The following PKD1 variants were observed in gnomAD, a reference collection of about 807,000 sequenced individuals.
PKD1 encodes polycystin-1.
PKD1 carries 81 observed loss-of-function variants against 361.7 expected under a neutral mutation model. The observed-to-expected ratio is 0.22, with a 90% CI of 0.19 to 0.27. The LOEUF (loss-of-function observed/expected upper bound fraction) is 0.27, where lower values mean the gene tolerates loss of function less well. Ranked by LOEUF, PKD1 falls within the 10% of genes least tolerant of loss-of-function variation. The pLI is 1.00. For synonymous variants in PKD1, 3,615 were observed against 2,818.3 expected (o/e 1.28, Z -8.95); for missense variants, 6,399 against 6,118.3 (o/e 1.05, Z -1.53).
chr16:2,089,722 G>GAGGACTAAGTGCT lies in PKD1; in HGVS notation c.12904_*4dup. 6.3e-7 allele frequency: 1 copy of GAGGACTAAGTGCT among 1,577,650 alleles called. No homozygotes were observed. Among genetic ancestry groups the GAGGACTAAGTGCT allele is most frequent in the Non-Finnish European group, 8.6e-7 (1 of 1,163,304 alleles). ...TCCACGGCCCACCCCCGCCAGGAAGGAGGACTAAGTGCTGCTGGGGTGGAC... is the reference window on the plus strand; with the variant it reads ...TCCACGGCCCACCCCCGCCAGGAAGGAGGACTAAGTGCTAGGACTAAGTGCTGCTGGGGTGGAC... On this transcript the variant is annotated 3_prime_UTR_variant, in exon 46 of 46. Coordinates refer to ENST00000262304, the MANE Select transcript of PKD1 (RefSeq NM_001009944.3).
At chr16:2,131,432 C>G (rs528759941) in intron 1 of PKD1, among the ~76,000 whole-genome samples, 47 of 152,124 alleles carry the variant, frequency 3.1e-4, no homozygotes, top group Admixed American at 1.6e-3. Flanking sequence ...GGCGTGAACC[C>G]AGGAGGCGGA....
chr16:2,102,161 G>C lies in PKD1; in HGVS notation c.9297C>G (p.Asp3099Glu). 6.4e-7 allele frequency: 1 copy of C among 1,557,458 alleles called. No homozygotes were observed. Residue 3099 changes from aspartate to glutamate, a missense_variant, in exon 26 of 46, where the codon GAC becomes GAG. By Grantham distance (45) the Asp-to-Glu change is conservative. Coordinates refer to ENST00000262304, the MANE Select transcript of PKD1 (RefSeq NM_001009944.3). ...CGCGGCCCCGGCTGGCATCCAACTG[G>C]TCCAGCTTGTGCAGGATGGCGGCCA... ...MVMAAILHKLDQLDASRGRAI... is the reference protein window; with the variant it reads ...MVMAAILHKLEQLDASRGRAI...
Position 2,088,730 on chromosome 16 carries a change from T to G in PKD1, c.*997A>C. 7.3e-7 allele frequency: 1 copy of G among 1,375,468 alleles called. No individual in the cohort carries two copies. Among genetic ancestry groups the G allele is most frequent in the Non-Finnish European group, 9.9e-7 (1 of 1,015,054 alleles). 85.2% of individuals were successfully genotyped at this position (1,375,468 alleles called of 1,614,324 possible). ...AGATTGCAGTCAGACAGCTCTTTTATTGACTTTGTCTGCTTGGTGCGGGGG... is the reference window on the plus strand; with the variant it reads ...AGATTGCAGTCAGACAGCTCTTTTAGTGACTTTGTCTGCTTGGTGCGGGGG... On this transcript the variant is annotated 3_prime_UTR_variant, in exon 46 of 46. Transcript: ENST00000262304.
chr16:2,106,103 A>G lies in PKD1; in HGVS notation c.7691T>C (p.Val2564Ala). Residue 2564 changes from valine to alanine, a missense_variant, in exon 19 of 46, where the codon GTC (valine) becomes GCC (alanine). Val to Ala is a moderately conservative substitution (Grantham distance 64, BLOSUM62 0). Coordinates refer to ENST00000262304, the MANE Select transcript of PKD1 (RefSeq NM_001009944.3). The surrounding 1 kb of genome is among the most constrained non-coding windows in gnomAD (Gnocchi z 6.5). ...VVQDQLGAAVVALNRSLAITL... is the reference protein window; with the variant it reads ...VVQDQLGAAVAALNRSLAITL... ...CGGCCTGGCTCACCTGTTGAGGGCGACCACAGCGGCTCCCAGCTGGTCCTG... is the reference window on the plus strand; with the variant it reads ...CGGCCTGGCTCACCTGTTGAGGGCGGCCACAGCGGCTCCCAGCTGGTCCTG... The G allele has an allele frequency of 6.2e-7, 1 of 1,605,370 alleles. No individual in the cohort carries two copies. Among genetic ancestry groups the G allele is most frequent in the East Asian group, 2.2e-5 (1 of 44,756 alleles).
chr16:2,111,157 G>T lies in PKD1; in HGVS notation c.4010C>A (p.Thr1337Lys), dbSNP rs370569512. 2.5e-6 allele frequency: 4 copies of T among 1,611,238 alleles called. No individual in the cohort carries two copies. The highest frequency in any genetic ancestry group is 1.1e-5 in the South Asian group (1 of 91,008). ...CACCGTCGGGCACCCCCGCACGGTCGTGTTGGAGGAGCCATCCCCGAAGGT... is the reference window on the plus strand; with the variant it reads ...CACCGTCGGGCACCCCCGCACGGTCTTGTTGGAGGAGCCATCCCCGAAGGT... ...DWTFGDGSSN[T>K]TVRGCPTVTH... The change falls in exon 15 of 46, where the codon ACG becomes AAG. Residue 1337 changes from threonine (T) to lysine (K), a missense_variant. Transcript: ENST00000262304.
rs778898608 is a variant in PKD1 at position 2,115,433 on chromosome 16, G to A, written c.2042C>T (p.Ala681Val). The change falls in exon 10 of 46, where the codon GCG (alanine) becomes GTG (valine). Residue 681 changes from alanine (A) to valine (V), a missense_variant. Physicochemically the swap from Ala to Val is moderately conservative, Grantham distance 64. Coordinates refer to ENST00000262304, the MANE Select transcript of PKD1 (RefSeq NM_001009944.3). ...GGAGAAGAGGAACTCTCTCCATAGCGCATAGGGGGCCCCGGGTAGCCCTGG... is the reference window on the plus strand; with the variant it reads ...GGAGAAGAGGAACTCTCTCCATAGCACATAGGGGGCCCCGGGTAGCCCTGG... ...SGPGLPGAPY[A>V]LWREFLFSVP... is the part of the protein sequence containing the mutation. 39 of 1,589,776 alleles carry A rather than the reference G, an allele frequency of 2.5e-5. 1 individual carries two copies. The highest frequency in any genetic ancestry group is 1.4e-4 in the Admixed American group (8 of 57,236).
Position 2,108,754 on chromosome 16 carries a change from G to A in PKD1, c.6413C>T (p.Thr2138Met), listed in dbSNP as rs1303123048. 1.0e-5 allele frequency: 16 copies of A among 1,570,324 alleles called. No individual in the cohort carries two copies. The highest frequency in any genetic ancestry group is 3.5e-5 in the South Asian group (3 of 86,260). Residue 2138 changes from threonine to methionine, a missense_variant, in exon 15 of 46, where the codon ACG (threonine) becomes ATG (methionine). Thr to Met is a moderately conservative substitution (Grantham distance 81). Transcript: ENST00000262304. ...GCAGGCCAGCACCTGGACGGTCACC[G>A]TGGCCTGCGCCACGAAGAAGCTCAC... ...NLVSFFVAQA[T>M]VTVQVLACRE...
Position 2,089,703 on chromosome 16 carries a change from G to A in PKD1, c.*24C>T, listed in dbSNP as rs759478253. Reference sequence around the variant, plus strand: ...GAGCGGTGTCCACTCCGACTCCACGGCCCACCCCCGCCAGGAAGGAGGACT... The same window carrying A: ...GAGCGGTGTCCACTCCGACTCCACGACCCACCCCCGCCAGGAAGGAGGACT... On this transcript the variant is annotated 3_prime_UTR_variant, in exon 46 of 46. Coordinates refer to ENST00000262304, the MANE Select transcript of PKD1 (RefSeq NM_001009944.3). The A allele has an allele frequency of 7.7e-6, 12 of 1,559,112 alleles. No individual in the cohort carries two copies. The highest frequency in any genetic ancestry group is 1.0e-5 in the Non-Finnish European group (12 of 1,152,824).
Position 2,102,780 on chromosome 16 carries a change from G to A in PKD1, c.8948+34C>T, listed in dbSNP as rs200573404. ...AGGCAATGCTGACCCATGATGCCCT[G>A]CCCTGCCCTGCCAGGCTGGCCCGCA... On this transcript the variant is annotated intron_variant, in intron 24 of 45. Coordinates refer to ENST00000262304, the MANE Select transcript of PKD1 (RefSeq NM_001009944.3). The A allele has an allele frequency of 2.7e-4, 437 of 1,609,460 alleles. No individual in the cohort carries two copies. The highest frequency in any genetic ancestry group is 2.4e-4 in the Non-Finnish European group (284 of 1,179,480).
chr16:2,114,159 G>A lies in PKD1; in HGVS notation c.2853+11C>T, dbSNP rs778340168. On this transcript the variant is annotated intron_variant, in intron 11 of 45. Transcript: ENST00000262304. ...CCTGGGGGCTGGTGGTGGAGCCTCG[G>A]CCATACTCACCACTAGGACTCCCTG... 3.0e-5 allele frequency: 48 copies of A among 1,601,620 alleles called. 1 individual carries two copies. The South Asian group carries it at 5.2e-4, about 17-fold the overall frequency.
intron 8 of PKD1, 113 bp from the exon 9 acceptor site, chr16:2,116,231 A>T (rs1289371756): frequency 1.8e-6 from 2 of 1,141,384 alleles, no homozygotes; most frequent in Non-Finnish European, 2.5e-6. Flanking sequence ...GAGCCATCAG[A>T]CCCCCACAGG....
In PKD1 at chr16:2,091,768, A is replaced by G. The variant is rs1381670569; in HGVS notation, c.11537+13T>C. On this transcript the variant is annotated intron_variant, in intron 41 of 45. Coordinates refer to ENST00000262304, the MANE Select transcript of PKD1 (RefSeq NM_001009944.3). ...GCGGCCACCCCGGAGAGGGCAGGGG[A>G]GGGAGCTCCCACCTGTTGTCCAGCC... 5 of 1,609,566 alleles carry G rather than the reference A, an allele frequency of 3.1e-6. No individual in the cohort carries two copies. The Admixed American group carries it at 6.7e-5, about 22-fold the overall frequency.
In PKD1 at chr16:2,100,713, A is replaced by G. The variant is rs998418539; in HGVS notation, c.9398-147T>C. 1.7e-5 allele frequency: 11 copies of G among 653,554 alleles called. No individual in the cohort carries two copies. Among genetic ancestry groups the G allele is most frequent in the East Asian group, 8.0e-5 (3 of 37,544 alleles). 40.5% of individuals were successfully genotyped at this position (653,554 alleles called of 1,614,324 possible). A position where few individuals can be genotyped will look rare whatever the true frequency, so the allele number is the denominator to read the frequency against. The stretch of plus-strand genomic sequence containing the variant: ...TTGCACGGCTCTGCCATACACAAGG[A>G]GCTGCGGTTACTGCAATTTGTCCAA... On this transcript the variant is annotated intron_variant, in intron 26 of 45. Coordinates refer to ENST00000262304, the MANE Select transcript of PKD1 (RefSeq NM_001009944.3). This position sits in a 1 kb window ranked among gnomAD's most constrained non-coding sequence, Gnocchi z 4.4.
At chr16:2,092,287 AC>A in intron 39 of PKD1, 99 bp from the exon 40 acceptor site, 1 of 1,272,650 alleles carries the variant, frequency 7.9e-7, no homozygotes, top group Non-Finnish European at 1.1e-6. Context: ...GTTCGGCGCC[AC>A]CCCAGGGAAC....
In PKD1 at chr16:2,088,969, T is replaced by TA; in HGVS notation, c.*757_*758insT. The stretch of plus-strand genomic sequence containing the variant: ...TTCCTCTAACCACCCTGGGGTCCTC[T>TA]GACATGCCTAGTCCTGCTACTTGCC... On this transcript the variant is annotated 3_prime_UTR_variant, in exon 46 of 46. Transcript: ENST00000262304. The TA allele has an allele frequency of 3.1e-6, 1 of 317,526 alleles. No homozygotes were observed. The highest frequency in any genetic ancestry group is 4.7e-5 in the Admixed American group (1 of 21,266). 19.7% of individuals were successfully genotyped at this position (317,526 alleles called of 1,614,324 possible).
intron 39 of PKD1, 39 bp downstream of exon 39, chr16:2,092,441 G>T (rs781643391): frequency 2.9e-6 from 4 of 1,370,902 alleles, no homozygotes; most frequent in Admixed American, 1.7e-5. Flanking sequence ...CTCAACAAGA[G>T]GAACGATTTA....
In PKD1 at chr16:2,109,758, A is replaced by G; in HGVS notation, c.5409T>C (p.Ser1803=). The change falls in exon 15 of 46, where the codon AGT becomes AGC. Residue 1803 remains serine (S), a synonymous_variant. Coordinates refer to ENST00000262304, the MANE Select transcript of PKD1 (RefSeq NM_001009944.3). ...GCTCGCTGGCCCTGATGCTGAGGCC[A>G]CTCACAGGCACCTGCACATCCACTT... The part of the protein sequence containing the change: ...TVEVDVQVPV[S]GLSIRASEPG... 6.2e-7 allele frequency: 1 copy of G among 1,609,596 alleles called. No homozygotes were observed. The highest frequency in any genetic ancestry group is 8.5e-7 in the Non-Finnish European group (1 of 1,179,400).
intron 11 of PKD1, chr16:2,113,943 G>C: frequency 1.7e-6 from 1 of 594,666 alleles, no homozygotes; most frequent in South Asian, 2.0e-5. Context: ...TTTGTGAAAT[G>C]AGACAGTGGA....
Position 2,128,531 on chromosome 16 carries a change from G to A in PKD1, c.215+6944C>T, listed in dbSNP as rs2092826577. On this transcript the variant is annotated intron_variant, in intron 1 of 45. Transcript: ENST00000262304. ...GCTGCAGGGGTCTGCCCCAGAGCAT[G>A]CTGATGAAATCATCACCACGGCTTC... 3.3e-5 allele frequency among the ~76,000 whole-genome samples: 5 copies of A among 152,242 alleles called. No individual in the cohort carries two copies. The South Asian group carries it at 8.3e-4, about 25-fold the overall frequency.
Sources: allele counts gnomAD v4.1 joint callset (sites outside exome capture counted in the v4.1 genomes callset), GRCh38; gene constraint gnomAD v4.1.1; non-coding constraint Gnocchi (gnomAD v3.1); transcripts MANE v1.5; gene names NCBI Gene and HGNC (gene_info 2026-07-23, HGNC 2026-07-21).